The following EPB41 variants were observed in gnomAD, a reference collection of about 807,000 sequenced individuals.
The protein encoded by EPB41 is protein 4.1.
EPB41 carries 65 observed loss-of-function variants against 108.0 expected under a neutral mutation model. The observed-to-expected ratio is 0.60, with a 90% CI of 0.49 to 0.74. The LOEUF is 0.74. Among genes scored for constraint, EPB41 ranks in the 30% least tolerant of loss-of-function variants. The pLI is 0.00. For synonymous variants in EPB41, 336 were observed against 358.9 expected (o/e 0.94, Z 0.72); for missense variants, 875 against 1,037.0 (o/e 0.84, Z 2.15).
Position 28,887,697 on chromosome 1 carries a change from A to G in EPB41, c.-8+487A>G. On this transcript the variant is annotated intron_variant, in intron 1 of 16. Transcript: ENST00000347529. This position sits in a 1 kb window ranked among gnomAD's most constrained non-coding sequence, Gnocchi z 4.9. ...AGCCCCGCGCCCCGCTCCGGCCCTT[A>G]CGTAACTGACTTTGAGTTTCCGGAC... 2 of 984,954 alleles carry G rather than the reference A, an allele frequency of 2.0e-6. No homozygotes were observed. The highest frequency in any genetic ancestry group is 2.4e-6 in the Non-Finnish European group (2 of 829,660). 61.0% of individuals were successfully genotyped at this position (984,954 alleles called of 1,614,324 possible). A position where few individuals can be genotyped will look rare whatever the true frequency, so the allele number is the denominator to read the frequency against.
At chr1:28,989,769 A>G (rs112074082) in intron 2 of EPB41, among the ~76,000 whole-genome samples, 65 of 152,324 alleles carry the variant, frequency 4.3e-4, no homozygotes, top group African/African-American at 1.5e-3. Context: ...CCTCTGTACA[A>G]TGGGGATAAT....
At chr1:29,035,118 A>G (rs1272747252) in intron 9 of EPB41, among the ~76,000 whole-genome samples, 1 of 151,658 alleles carries the variant, frequency 6.6e-6, no homozygotes, top group South Asian at 2.1e-4. Flanking sequence ...AGTAGCTGGA[A>G]TTACAGGCGC....
chr1:29,038,347 A>G (rs1424890637), intron 10 of EPB41, among the ~76,000 whole-genome samples: 1 of 152,200 alleles, frequency 6.6e-6, no homozygotes, highest in Non-Finnish European at 1.5e-5. Flanking sequence ...TGAATGTCTA[A>G]TAACTGTGGT....
intron 11 of EPB41, among the ~76,000 whole-genome samples, chr1:29,049,182 T>TA (rs1383942523): frequency 6.6e-6 from 1 of 152,202 alleles, no homozygotes; most frequent in Non-Finnish European, 1.5e-5. Flanking sequence ...AGTTTTATGA[T>TA]AGAGTAGTAA....
At chr1:28,916,600 G>T (rs967194224) in intron 1 of EPB41, among the ~76,000 whole-genome samples, 2 of 152,170 alleles carry the variant, frequency 1.3e-5, no homozygotes, top group Non-Finnish European at 2.9e-5. Flanking sequence ...TTGCACCACT[G>T]CACTTCAACC....
chr1:29,039,854 A>G (rs1640834119), intron 11 of EPB41, among the ~76,000 whole-genome samples: 1 of 152,098 alleles, frequency 6.6e-6, no homozygotes, highest in Admixed American at 6.6e-5. Context: ...AAGGGATCTT[A>G]CTAATTGTCT....
intron 10 of EPB41, among the ~76,000 whole-genome samples, chr1:29,037,866 T>C (rs1333357803): frequency 6.6e-6 from 1 of 152,218 alleles, no homozygotes; most frequent in Non-Finnish European, 1.5e-5. Context: ...TTCTTTATTA[T>C]GGAAAATTTC....
intron 12 of EPB41, among the ~76,000 whole-genome samples, chr1:29,055,601 T>C (rs114717552): frequency 0.025 from 3,786 of 151,034 alleles, 157 homozygotes; most frequent in African/African-American, 0.088. Context: ...ATTATTGTAA[T>C]AGTGGTGGCA....
intron 5 of EPB41, among the ~76,000 whole-genome samples, chr1:29,015,441 C>G (rs1372284104): frequency 2.6e-5 from 4 of 152,006 alleles, no homozygotes; most frequent in African/African-American, 7.2e-5. Context: ...TCTATTATCC[C>G]AGCTCCTCAG....
chr1:29,038,398 G>T (rs1018015309), intron 10 of EPB41, among the ~76,000 whole-genome samples: 1 of 152,068 alleles, frequency 6.6e-6, no homozygotes, highest in Non-Finnish European at 1.5e-5. Flanking sequence ...TTGTAGGATG[G>T]CATATTTAAA....
intron 17 of EPB41, among the ~76,000 whole-genome samples, chr1:29,107,001 T>C (rs1226344959): frequency 1.3e-5 from 2 of 151,656 alleles, no homozygotes; most frequent in Non-Finnish European, 2.9e-5. Flanking sequence ...CTGGCCAACA[T>C]GGTGAAACCC....
At chr1:28,979,628 T>TA (rs1402337819) in intron 1 of EPB41, among the ~76,000 whole-genome samples, 1 of 151,876 alleles carries the variant, frequency 6.6e-6, no homozygotes, top group Non-Finnish European at 1.5e-5. Flanking sequence ...AGGATAGACT[T>TA]CTTATATTTA....
intron 11 of EPB41, among the ~76,000 whole-genome samples, chr1:29,042,787 G>C (rs1642013877): frequency 6.6e-6 from 1 of 150,490 alleles, no homozygotes; most frequent in Admixed American, 6.6e-5. Context: ...TTTTTTTTTG[G>C]TGTTTTTCTA....
intron 1 of EPB41, among the ~76,000 whole-genome samples, chr1:28,908,741 T>A (rs1472430255): frequency 6.6e-6 from 1 of 151,832 alleles, no homozygotes; most frequent in Non-Finnish European, 1.5e-5. Flanking sequence ...AAGTATCATT[T>A]TTAAGAGAGA....
chr1:28,989,930 T>A (rs1572030486), intron 2 of EPB41, among the ~76,000 whole-genome samples: 1 of 152,230 alleles, frequency 6.6e-6, no homozygotes, highest in East Asian at 1.9e-4. Context: ...CATATCTTAA[T>A]AACATTTTAT....
chr1:29,030,973 C>T (rs748823866), intron 8 of EPB41, among the ~76,000 whole-genome samples: 1 of 151,984 alleles, frequency 6.6e-6, no homozygotes, highest in Non-Finnish European at 1.5e-5. Flanking sequence ...CAGGCGCCAG[C>T]TACCACGCCT....
chr1:29,101,332 G>C (rs888162696), intron 17 of EPB41, among the ~76,000 whole-genome samples: 4 of 152,210 alleles, frequency 2.6e-5, no homozygotes, highest in African/African-American at 9.7e-5. Context: ...CTCTAAGCTT[G>C]TATTTCCTTG....
intron 1 of EPB41, among the ~76,000 whole-genome samples, chr1:28,971,873 A>G (rs990062262): frequency 7.2e-5 from 11 of 152,150 alleles, no homozygotes; most frequent in Non-Finnish European, 1.6e-4. Flanking sequence ...AAAGATTTCC[A>G]TCTAGAATGG....
At chr1:29,058,960 A>G (rs948574725) in intron 14 of EPB41, 108 bp downstream of exon 14, 103 of 1,071,342 alleles carry the variant, frequency 9.6e-5, no homozygotes, top group Admixed American at 1.7e-4. Flanking sequence ...TCTTTTAATC[A>G]GGAGTTGTTA....
Sources: gnomAD v4.1 joint callset for allele counts (sites outside exome capture counted in the v4.1 genomes callset) on GRCh38, gnomAD v4.1.1 for gene constraint, Gnocchi (gnomAD v3.1) non-coding constraint, MANE v1.5 for transcripts, NCBI Gene and HGNC (gene_info 2026-07-23, HGNC 2026-07-21) for gene names.